The following ZBTB33 variants were observed in gnomAD, a reference collection of about 807,000 sequenced individuals.
ZBTB33 encodes transcriptional regulator Kaiso.
ZBTB33 carries 11 observed loss-of-function variants against 25.9 expected under a neutral mutation model. That is an observed-to-expected ratio of 0.42 (90% CI 0.27 to 0.70). ZBTB33 has a LOEUF of 0.70. Among genes scored for constraint, ZBTB33 ranks in the 30% least tolerant of loss-of-function variants. The pLI, the probability that ZBTB33 is intolerant of heterozygous loss-of-function variation, is 0.23. For synonymous variants in ZBTB33, 157 were observed against 184.8 expected, an observed-to-expected ratio of 0.85 and a Z score of 1.22; for missense variants, 343 against 501.1, an observed-to-expected ratio of 0.68 and a Z score of 3.01.
At position 120,257,908 on chromosome X, in the gene ZBTB33, C is replaced by T. The variant is rs1556015782; in HGVS notation, c.*2474C>T. On this transcript the variant is annotated 3_prime_UTR_variant, in exon 3 of 3. Transcript: ENST00000557385. The stretch of plus-strand genomic sequence containing the variant: ...AGTTAGCTTCAAATTTGCTCCTATG[C>T]TAAATTACCTGTAAATATTCTGGAT... 1 of 122,922 alleles carries T rather than the reference C, an allele frequency of 8.1e-6. No homozygotes were observed. The highest frequency in any genetic ancestry group is 3.3e-5 in the African/African-American group (1 of 30,712). 10.1% of individuals were successfully genotyped at this position (122,922 alleles called of 1,213,427 possible). A position where few individuals can be genotyped will look rare whatever the true frequency, so the allele number is the denominator to read the frequency against.
In ZBTB33 at chrX:120,254,021, G is replaced by T; in HGVS notation, c.606G>T (p.Leu202=). 8.3e-7 allele frequency: 1 copy of T among 1,209,470 alleles called. No individual in the cohort carries two copies. Among genetic ancestry groups the T allele is most frequent in the Non-Finnish European group, 1.1e-6 (1 of 893,884 alleles). The change falls in exon 3 of 3, where the codon CTG becomes CTT. Residue 202 remains leucine (L), a synonymous_variant. Coordinates refer to ENST00000557385, the MANE Select transcript of ZBTB33 (RefSeq NM_001184742.2). ...ATGTCATTTTTTGCTCCGAGATTCTGCCCACAAAGGAGACTTTGCCGAGTA... is the reference window on the plus strand; with the variant it reads ...ATGTCATTTTTTGCTCCGAGATTCTTCCCACAAAGGAGACTTTGCCGAGTA... The part of the protein sequence containing the change: ...DDDVIFCSEI[L]PTKETLPSNN...
chrX:120,251,401 C>T (rs1442372144), intron 1 of ZBTB33, among the ~76,000 whole-genome samples: 3 of 110,658 alleles, frequency 2.7e-5, no homozygotes, highest in Non-Finnish European at 3.8e-5. Context: ...CGCTTCATCC[C>T]CCCCCCAACA....
rs1186448183 is a variant in ZBTB33, at chrX:120,254,914, A to G, written c.1499A>G (p.Lys500Arg). Reference sequence around the variant, plus strand: ...GTCTATTATATCTGTATTGTATGCAAAAGGTCATATGTCTGTCTGACAAGC... The same window carrying G: ...GTCTATTATATCTGTATTGTATGCAGAAGGTCATATGTCTGTCTGACAAGC... ...GRVYYICIVC[K>R]RSYVCLTSLR... The change falls in exon 3 of 3, where the codon AAA becomes AGA. Residue 500 changes from lysine to arginine, a missense_variant. Around this residue, in one of 2 missense-constraint regions of ZBTB33, gnomAD observed 304 missense variants for 410.0 expected, o/e 0.74. Coordinates refer to ENST00000557385, the MANE Select transcript of ZBTB33 (RefSeq NM_001184742.2). The G allele has an allele frequency of 3.3e-6, 4 of 1,212,191 alleles. No homozygotes were observed. In the African/African-American group the frequency reaches 5.2e-5, roughly 16 times the overall value.
intron 1 of ZBTB33, 93 bp from the exon 2 acceptor site, chrX:120,252,576 A>T (rs2057607477): frequency 8.9e-6 from 1 of 111,963 alleles, no homozygotes; most frequent in South Asian, 3.6e-4. Context: ...ATGATTCTTT[A>T]CCAACAAAAA....
chrX:120,252,077 A>G (rs782402652), intron 1 of ZBTB33, among the ~76,000 whole-genome samples: 4 of 112,039 alleles, frequency 3.6e-5, no homozygotes, highest in African/African-American at 6.5e-5. Flanking sequence ...TTAACATGCA[A>G]CACCTTCTAA....
In ZBTB33 at chrX:120,253,962, AT is replaced by A. The variant is rs1556014799; in HGVS notation, c.548del (p.Ile183ThrfsTer58). 1 of 1,190,808 alleles carries A rather than the reference AT, an allele frequency of 8.4e-7. No individual in the cohort carries two copies. On this transcript the variant is annotated frameshift_variant, in exon 3 of 3. Transcript: ENST00000557385. LOFTEE classifies it high-confidence loss of function. ...LSAEDYEMKK[I>X]IVTDSDDDDD... ...TGCCGAAGATTATGAAATGAAAAAG[AT>A]CATTGTTACCGATTCTGATGATGAT...
Position 120,257,334 on chromosome X carries a change from A to G in ZBTB33, c.*1900A>G, listed in dbSNP as rs1227079152. The stretch of plus-strand genomic sequence containing the variant: ...TGAAAATTTGTTTTGAGTTTCATTA[A>G]TGCTATTTCACCAGTTAGACATAAT... On this transcript the variant is annotated 3_prime_UTR_variant, in exon 3 of 3. Transcript: ENST00000557385. 1.6e-5 allele frequency: 2 copies of G among 122,571 alleles called. No homozygotes were observed. Among genetic ancestry groups the G allele is most frequent in the African/African-American group, 6.5e-5 (2 of 30,829 alleles). The allele number at this position is 122,571 out of a possible 1,213,427, so 10.1% of individuals were successfully genotyped here. A position where few individuals can be genotyped will look rare whatever the true frequency, so the allele number is the denominator to read the frequency against.
In ZBTB33 at chrX:120,251,668, C is replaced by T. The variant is rs781823857; in HGVS notation, c.-105+691C>T. On this transcript the variant is annotated intron_variant, in intron 1 of 2. Transcript: ENST00000557385. ...CTCGCGGATGGCTTTTATCTCTTTCCACCGTCACCAGCTCCTCCGAACTGG... is the reference window on the plus strand; with the variant it reads ...CTCGCGGATGGCTTTTATCTCTTTCTACCGTCACCAGCTCCTCCGAACTGG... Among the ~76,000 whole-genome samples the T allele has an allele frequency of 2.0e-4, 22 of 112,053 alleles. No homozygotes were observed. The South Asian group carries it at 7.1e-3, about 36-fold the overall frequency.
In ZBTB33 at chrX:120,255,146, T is replaced by C. The variant is rs2057629481; in HGVS notation, c.1731T>C (p.Pro577=). 8.3e-7 allele frequency: 1 copy of C among 1,210,372 alleles called. No individual in the cohort carries two copies. The highest frequency in any genetic ancestry group is 1.7e-5 in the African/African-American group (1 of 57,233). ...TAAAGTCAGTTCATAGTCAAGATCC[T>C]TCTGGGGACTCAAAGCTTTATCGTT... is the stretch of plus-strand genomic sequence containing the variant. ...SHIKSVHSQD[P]SGDSKLYRLH... Residue 577 remains proline (P), a synonymous_variant, in exon 3 of 3, where the codon CCT becomes CCC. Coordinates refer to ENST00000557385, the MANE Select transcript of ZBTB33 (RefSeq NM_001184742.2).
At position 120,254,273 on chromosome X, in the gene ZBTB33, A is replaced by T; in HGVS notation, c.858A>T (p.Thr286=). ...CCAATATTATTTTGTTAAATCAGAC[A>T]CCACTTTCTACACCACCAAATGTCA... The part of the protein sequence containing the change: ...LTPNIILLNQ[T]PLSTPPNVSS... The change falls in exon 3 of 3, where the codon ACA becomes ACT. Residue 286 remains threonine (T), a synonymous_variant. Coordinates refer to ENST00000557385, the MANE Select transcript of ZBTB33 (RefSeq NM_001184742.2). 1 of 1,211,890 alleles carries T rather than the reference A, an allele frequency of 8.3e-7. No individual in the cohort carries two copies. Among genetic ancestry groups the T allele is most frequent in the Non-Finnish European group, 1.1e-6 (1 of 895,554 alleles).
chrX:120,251,360 C>A (rs927281479), intron 1 of ZBTB33, among the ~76,000 whole-genome samples: 2 of 110,461 alleles, frequency 1.8e-5, no homozygotes, highest in Non-Finnish European at 3.8e-5. Context: ...CCTTCCGTCC[C>A]CTTCCCGGGG....
intron 1 of ZBTB33, among the ~76,000 whole-genome samples, chrX:120,252,337 ATATG>A (rs1170695776): frequency 9.0e-6 from 1 of 110,569 alleles, no homozygotes; most frequent in Non-Finnish European, 1.9e-5. Flanking sequence ...TCCATATATA[ATATG>A]TATGGATATT....
Position 120,255,761 on chromosome X carries a change from A to G in ZBTB33, c.*327A>G. The stretch of plus-strand genomic sequence containing the variant: ...TTTGAAAATAACTGGAGTTATTAGC[A>G]TACCCTAGTACATCTTACAGCTTTC... On this transcript the variant is annotated 3_prime_UTR_variant, in exon 3 of 3. Coordinates refer to ENST00000557385, the MANE Select transcript of ZBTB33 (RefSeq NM_001184742.2). The G allele has an allele frequency of 4.8e-6, 1 of 209,219 alleles. No individual in the cohort carries two copies. The highest frequency in any genetic ancestry group is 1.4e-4 in the South Asian group (1 of 7,140). The allele number at this position is 209,219 out of a possible 1,213,427, so 17.2% of individuals were successfully genotyped here.
intron 1 of ZBTB33, among the ~76,000 whole-genome samples, chrX:120,251,317 T>C (rs1171961694): frequency 6.4e-5 from 7 of 110,081 alleles, no homozygotes; most frequent in African/African-American, 2.3e-4. Context: ...GCCCCTACTT[T>C]GATTTAGAGC....
At chrX:120,252,221 ACC>A (rs1238288797) in intron 1 of ZBTB33, among the ~76,000 whole-genome samples, 2 of 111,413 alleles carry the variant, frequency 1.8e-5, no homozygotes, top group Non-Finnish European at 3.8e-5. Flanking sequence ...TGACATCGAC[ACC>A]CTTTTGGTAA....
At position 120,250,843 on chromosome X, in the gene ZBTB33, G is replaced by C. The variant is rs2057593988; in HGVS notation, c.-239G>C. ...GCGTTGGCGGCAGGAGGCGGCGGCCGCGTCGACGTCGACCCAGACTGGAGC... is the reference window on the plus strand; with the variant it reads ...GCGTTGGCGGCAGGAGGCGGCGGCCCCGTCGACGTCGACCCAGACTGGAGC... On this transcript the variant is annotated 5_prime_UTR_variant, in exon 1 of 3. Coordinates refer to ENST00000557385, the MANE Select transcript of ZBTB33 (RefSeq NM_001184742.2). 1 of 113,841 alleles carries C rather than the reference G, an allele frequency of 8.8e-6. No homozygotes were observed. The highest frequency in any genetic ancestry group is 3.5e-4 in the South Asian group (1 of 2,832). 9.4% of individuals were successfully genotyped at this position (113,841 alleles called of 1,213,427 possible).
chrX:120,254,021 G>A lies in ZBTB33; in HGVS notation c.606G>A (p.Leu202=), dbSNP rs781784684. 1 of 1,209,470 alleles carries A rather than the reference G, an allele frequency of 8.3e-7. No homozygotes were observed. Among genetic ancestry groups the A allele is most frequent in the Non-Finnish European group, 1.1e-6 (1 of 893,884 alleles). The change falls in exon 3 of 3, where the codon CTG becomes CTA. Residue 202 remains leucine (L), a synonymous_variant. Transcript: ENST00000557385. ...ATGTCATTTTTTGCTCCGAGATTCT[G>A]CCCACAAAGGAGACTTTGCCGAGTA... is the stretch of plus-strand genomic sequence containing the variant. The part of the protein sequence containing the change: ...DDDVIFCSEI[L]PTKETLPSNN...
At position 120,254,395 on chromosome X, in the gene ZBTB33, A is replaced by G. The variant is rs145020165; in HGVS notation, c.980A>G (p.Asn327Ser). 14 of 1,209,637 alleles carry G rather than the reference A, an allele frequency of 1.2e-5. No homozygotes were observed. The highest frequency in any genetic ancestry group is 1.5e-5 in the Non-Finnish European group (13 of 895,168). Residue 327 changes from asparagine (N) to serine (S), a missense_variant, in exon 3 of 3, where the codon AAT becomes AGT. Coordinates refer to ENST00000557385, the MANE Select transcript of ZBTB33 (RefSeq NM_001184742.2). ...NSAILTGNKA[N>S]EEEEEEIIDD... is the part of the protein sequence containing the mutation. ...GCTATTTTAACAGGAAACAAGGCCA[A>G]TGAAGAGGAGGAGGAGGAAATAATA...
chrX:120,255,357 G>A lies in ZBTB33; in HGVS notation c.1942G>A (p.Glu648Lys), dbSNP rs782680446. 5.8e-6 allele frequency: 7 copies of A among 1,209,736 alleles called. No homozygotes were observed. The Admixed American group carries it at 1.3e-4, about 23-fold the overall frequency. Reference protein sequence around the residue: ...MTWEDIFIQQENDSIFKQNVT... With the variant: ...MTWEDIFIQQKNDSIFKQNVT... ...CTGGGAAGATATTTTTATTCAGCAG[G>A]AAAATGATTCAATTTTTAAACAAAA... Residue 648 changes from glutamate to lysine, a missense_variant, in exon 3 of 3, where the codon GAA becomes AAA. Physicochemically the swap from Glu to Lys is moderately conservative, Grantham distance 56. Coordinates refer to ENST00000557385, the MANE Select transcript of ZBTB33 (RefSeq NM_001184742.2).
Sources: gnomAD v4.1 joint callset for allele counts (sites outside exome capture counted in the v4.1 genomes callset) on GRCh38, gnomAD v4.1.1 for gene constraint, gnomAD v4.1.1 regional missense constraint, MANE v1.5 for transcripts, NCBI Gene and HGNC (gene_info 2026-07-23, HGNC 2026-07-21) for gene names.